The following IL5 variants were observed in gnomAD, a reference collection of about 807,000 sequenced individuals.
IL5 encodes interleukin 5.
In IL5, 12 loss-of-function variants were observed where a neutral mutation model predicts 16.3. That is an observed-to-expected ratio of 0.74 (90% confidence interval 0.47 to 1.20). The LOEUF (loss-of-function observed/expected upper bound fraction) is 1.20. Ranked by LOEUF, IL5 falls within the 50% of genes most tolerant of loss-of-function variation. IL5 has a pLI of 0.00. For missense variants in IL5, 159 were observed against 153.9 expected (o/e 1.03, Z -0.17); for synonymous variants, 54 against 56.6 (o/e 0.95, Z 0.21).
chr5:132,541,791 T>C lies in IL5; in HGVS notation c.*20A>G. ...GTCCTTCTCCTCCAAAATCTTTGGC[T>C]GCAACAAACCAGTTTAGTCTCAACT... On this transcript the variant is annotated 3_prime_UTR_variant, in exon 4 of 4. Coordinates refer to ENST00000231454, the MANE Select transcript of IL5 (RefSeq NM_000879.3). 2 of 1,546,174 alleles carry C rather than the reference T, an allele frequency of 1.3e-6. No individual in the cohort carries two copies. Among genetic ancestry groups the C allele is most frequent in the Non-Finnish European group, 1.8e-6 (2 of 1,121,856 alleles).
At chr5:132,544,973 C>T (rs994346178), upstream of IL5, among the ~76,000 whole-genome samples, 3 of 152,160 alleles carry the variant, frequency 2.0e-5, no homozygotes, top group South Asian at 2.1e-4. Flanking sequence ...TCTTGTACCA[C>T]GTTTGGTTTT....
chr5:132,547,735 C>T (rs940415694), upstream of IL5, among the ~76,000 whole-genome samples: 1 of 152,132 alleles, frequency 6.6e-6, no homozygotes. Context: ...CTTGAAACTT[C>T]TCTATAAATC....
intron 1 of IL5, among the ~76,000 whole-genome samples, chr5:132,551,383 C>T (rs1749880574): frequency 6.6e-6 from 1 of 152,180 alleles, no homozygotes; most frequent in African/African-American, 2.4e-5. Context: ...TTATAACATT[C>T]ACGAGAAAAC....
chr5:132,551,457 C>T (rs978465066), intron 1 of IL5, among the ~76,000 whole-genome samples: 1 of 152,136 alleles, frequency 6.6e-6, no homozygotes, highest in African/African-American at 2.4e-5. Flanking sequence ...TGTGGGGTTT[C>T]TCTGGGTACT....
upstream of IL5, chr5:132,543,888 G>T (rs998422730): frequency 1.3e-4 from 21 of 157,204 alleles, no homozygotes; most frequent in East Asian, 3.7e-3. Flanking sequence ...TTTTCAGATC[G>T]GCTATGTTCT....
At chr5:132,549,505 C>T (rs1404207713) in intron 1 of IL5, among the ~76,000 whole-genome samples, 1 of 152,034 alleles carries the variant, frequency 6.6e-6, no homozygotes, top group Non-Finnish European at 1.5e-5. Context: ...TTAAAATCCA[C>T]GTTATTTTAG....
rs1749989884 is a variant in IL5, at chr5:132,556,630, AGAGAAT to A, written c.42+38_42+43del. The A allele has an allele frequency of 3.5e-6, 4 of 1,145,666 alleles. No homozygotes were observed. In the African/African-American group the frequency reaches 6.7e-5, roughly 19 times the overall value. 71.0% of individuals were successfully genotyped at this position (1,145,666 alleles called of 1,614,324 possible). On this transcript the variant is annotated intron_variant, in intron 1 of 2. Transcript: ENST00000450655. ...GGAAATTACTACACGAACGTTAGAGAGAGAATGAGAATGAAAAGGAAAATAGTTTTG... is the reference window on the plus strand; with the variant it reads ...GGAAATTACTACACGAACGTTAGAGAGAGAATGAAAAGGAAAATAGTTTTG...
intron 2 of IL5, 91 bp downstream of exon 2, chr5:132,543,003 A>G: frequency 1.1e-6 from 1 of 950,290 alleles, no homozygotes; most frequent in Middle Eastern, 2.3e-4. Flanking sequence ...TAGAAAATTA[A>G]ATAGTTCCAA....
At chr5:132,545,982 C>T (rs903452166), upstream of IL5, among the ~76,000 whole-genome samples, 47 of 152,112 alleles carry the variant, frequency 3.1e-4, no homozygotes, top group African/African-American at 1.0e-3. Flanking sequence ...AAAAGGAAGG[C>T]TGAAATCCTG....
Position 132,542,007 on chromosome 5 carries a change from T to C in IL5, c.306+8A>G, listed in dbSNP as rs2069823. The stretch of plus-strand genomic sequence containing the variant: ...AAATATAGCTTCCATTGAATGTGTG[T>C]AACTTACTTTTTGGCCGTCAATGTA... On this transcript the variant is annotated splice_region_variant and intron_variant, in intron 3 of 3. Coordinates refer to ENST00000231454, the MANE Select transcript of IL5 (RefSeq NM_000879.3). The C allele has an allele frequency of 2.1e-4, 332 of 1,613,874 alleles. No individual in the cohort carries two copies. Among genetic ancestry groups the C allele is most frequent in the Non-Finnish European group, 2.8e-4 (325 of 1,179,868 alleles).
chr5:132,546,560 C>A (rs2149824747), upstream of IL5, among the ~76,000 whole-genome samples: 1 of 152,264 alleles, frequency 6.6e-6, no homozygotes, highest in Admixed American at 6.5e-5. Context: ...CGATGGACAC[C>A]AATGTTGCTT....
Position 132,543,327 on chromosome 5 carries a change from A to G in IL5, c.144+8T>C, listed in dbSNP as rs751197081. 2 of 1,613,084 alleles carry G rather than the reference A, an allele frequency of 1.2e-6. No individual in the cohort carries two copies. Among genetic ancestry groups the G allele is most frequent in the African/African-American group, 2.7e-5 (2 of 74,920 alleles). ...TTTACAGACTGTAGGAATCATAAAG[A>G]AAATTACCTCATTGGCTATCAGCAG... On this transcript the variant is annotated splice_region_variant and intron_variant, in intron 1 of 3. Transcript: ENST00000231454.
intron 1 of IL5, among the ~76,000 whole-genome samples, chr5:132,550,681 A>C (rs1749870189): frequency 6.6e-6 from 1 of 152,184 alleles, no homozygotes; most frequent in South Asian, 2.1e-4. Flanking sequence ...TTTTCACAAA[A>C]ATAGCTTTGT....
At chr5:132,552,348 T>C (rs1361833058) in intron 1 of IL5, among the ~76,000 whole-genome samples, 1 of 152,128 alleles carries the variant, frequency 6.6e-6, no homozygotes, top group East Asian at 1.9e-4. Flanking sequence ...TATCTCATAG[T>C]AGTTTTATTT....
rs538591004 is a variant in IL5, at chr5:132,556,631, G to A, written c.42+43C>T. On this transcript the variant is annotated intron_variant, in intron 1 of 2. Transcript: ENST00000450655. ...GAAATTACTACACGAACGTTAGAGA[G>A]AGAATGAGAATGAAAAGGAAAATAG... 41 of 1,154,780 alleles carry A rather than the reference G, an allele frequency of 3.6e-5. No individual in the cohort carries two copies. The Admixed American group carries it at 1.5e-3, about 41-fold the overall frequency. The allele number at this position is 1,154,780 out of a possible 1,614,324, so 71.5% of individuals were successfully genotyped here. A position where few individuals can be genotyped will look rare whatever the true frequency, so the allele number is the denominator to read the frequency against.
upstream of IL5, among the ~76,000 whole-genome samples, chr5:132,544,590 G>T (rs141319981): frequency 6.6e-6 from 1 of 152,342 alleles, no homozygotes; most frequent in East Asian, 1.9e-4. Flanking sequence ...ATCAGCCTTT[G>T]TTCCTTAGGC....
chr5:132,545,981 G>A (rs1442061449), upstream of IL5, among the ~76,000 whole-genome samples: 2 of 151,990 alleles, frequency 1.3e-5, no homozygotes, highest in African/African-American at 4.8e-5. Flanking sequence ...AAAAAGGAAG[G>A]CTGAAATCCT....
At chr5:132,543,994 G>A (rs1371905886), upstream of IL5, 1 of 152,624 alleles carries the variant, frequency 6.6e-6, no homozygotes, top group Non-Finnish European at 1.5e-5. Flanking sequence ...CCTTGGCAGG[G>A]TCGAGTTCTG....
At chr5:132,545,748 T>G (rs2149824354), upstream of IL5, among the ~76,000 whole-genome samples, 1 of 152,222 alleles carries the variant, frequency 6.6e-6, no homozygotes, top group African/African-American at 2.4e-5. Context: ...TCATTCTGTT[T>G]TTCAAAGAAG....
Sources: gnomAD v4.1 joint callset for allele counts (sites outside exome capture counted in the v4.1 genomes callset) on GRCh38, gnomAD v4.1.1 for gene constraint, MANE v1.5 for transcripts, NCBI Gene and HGNC (gene_info 2026-07-23, HGNC 2026-07-21) for gene names.